The following ODAD2 variants were observed in gnomAD, a reference collection of about 807,000 sequenced individuals.
ODAD2 encodes outer dynein arm docking complex subunit 2.
Under a neutral mutation model 106.8 loss-of-function variants are expected in ODAD2, and 89 were observed. That is an observed-to-expected ratio of 0.83 (90% confidence interval 0.70 to 0.99). The LOEUF (loss-of-function observed/expected upper bound fraction) is 0.99, where lower values mean the gene tolerates loss of function less well. ODAD2 is among the 50% of genes least tolerant of loss of function. The pLI is 0.00. For synonymous variants in ODAD2, 404 were observed against 436.2 expected (o/e 0.93, Z 0.92); for missense variants, 1,168 against 1,238.5 (o/e 0.94, Z 0.85).
intron 10 of ODAD2, among the ~76,000 whole-genome samples, chr10:27,959,532 A>T (rs963954096): frequency 1.3e-5 from 2 of 152,070 alleles, no homozygotes; most frequent in Admixed American, 6.6e-5. Context: ...AGTCTGGACC[A>T]CTGTGTTGAA....
chr10:27,924,634 A>AC (rs1845120649), intron 16 of ODAD2, among the ~76,000 whole-genome samples: 1 of 147,022 alleles, frequency 6.8e-6, no homozygotes, highest in Non-Finnish European at 1.5e-5. Flanking sequence ...AAAAAAAAAA[A>AC]AAAAAACAGA....
intron 17 of ODAD2, among the ~76,000 whole-genome samples, chr10:27,882,670 C>T (rs1054244019): frequency 6.6e-6 from 1 of 152,220 alleles, no homozygotes; most frequent in Non-Finnish European, 1.5e-5. Flanking sequence ...ATCTCCCTCT[C>T]TCCAGCTCCA....
intron 1 of ODAD2, among the ~76,000 whole-genome samples, chr10:27,998,773 G>A (rs988347864): frequency 9.2e-5 from 14 of 152,254 alleles, no homozygotes; most frequent in African/African-American, 3.4e-4. Context: ...CCCTGCGGGG[G>A]TGAGCGTGGA....
At chr10:27,836,646 G>C (rs1412755040) in intron 19 of ODAD2, among the ~76,000 whole-genome samples, 4 of 152,062 alleles carry the variant, frequency 2.6e-5, no homozygotes, top group African/African-American at 7.2e-5. Flanking sequence ...GAGCTTGCAG[G>C]GTTCTTACCT....
At chr10:27,939,748 A>T (rs1411501787) in intron 14 of ODAD2, 149 bp downstream of exon 14, 4 of 467,854 alleles carry the variant, frequency 8.5e-6, no homozygotes, top group African/African-American at 2.0e-5. Flanking sequence ...TAAAAAAATA[A>T]AAATAAATTA....
At chr10:27,868,342 G>C (rs961122000) in intron 17 of ODAD2, among the ~76,000 whole-genome samples, 2 of 152,104 alleles carry the variant, frequency 1.3e-5, no homozygotes, top group African/African-American at 4.8e-5. Flanking sequence ...TATACCCAAA[G>C]GAATATAAAT....
chr10:27,824,987 A>C (rs1392464620), intron 19 of ODAD2, among the ~76,000 whole-genome samples: 1 of 152,164 alleles, frequency 6.6e-6, no homozygotes, highest in African/African-American at 2.4e-5. Flanking sequence ...TGGATATAAA[A>C]ATGACACCTC....
At chr10:27,985,992 T>C (rs765762038) in intron 3 of ODAD2, among the ~76,000 whole-genome samples, 19 of 152,072 alleles carry the variant, frequency 1.2e-4, no homozygotes, top group Non-Finnish European at 2.2e-4. Flanking sequence ...AAAATATGTA[T>C]GCATTGAGAT....
chr10:27,903,672 C>T (rs966128383), intron 17 of ODAD2, among the ~76,000 whole-genome samples: 2 of 152,098 alleles, frequency 1.3e-5, no homozygotes, highest in Admixed American at 6.5e-5. Context: ...AAGAGAGAGC[C>T]AAATCATGAG....
intron 10 of ODAD2, chr10:27,958,906 T>C: frequency 7.7e-7 from 1 of 1,304,116 alleles, no homozygotes; most frequent in Non-Finnish European, 1.0e-6. Context: ...ATCATGCTTC[T>C]AATTACTCTG....
intron 17 of ODAD2, among the ~76,000 whole-genome samples, chr10:27,901,746 C>T (rs191007732): frequency 1.3e-5 from 2 of 152,214 alleles, no homozygotes; most frequent in African/African-American, 4.8e-5. Context: ...GGGATCAATG[C>T]AACAAGAAGA....
intron 17 of ODAD2, among the ~76,000 whole-genome samples, chr10:27,872,497 A>T (rs1840976226): frequency 2.6e-5 from 4 of 151,922 alleles, no homozygotes; most frequent in Non-Finnish European, 5.9e-5. Flanking sequence ...TGGGTTTGTC[A>T]TAAATAGCTC....
chr10:27,985,350 G>C, intron 3 of ODAD2, 139 bp from the exon 4 acceptor site: 1 of 674,496 alleles, frequency 1.5e-6, no homozygotes, highest in Non-Finnish European at 2.4e-6. Flanking sequence ...GACCCAATTA[G>C]AATTCATCTC....
chr10:27,961,816 G>GCC, intron 9 of ODAD2, 101 bp from the exon 10 acceptor site: 1 of 1,003,494 alleles, frequency 1.0e-6, no homozygotes, highest in Non-Finnish European at 1.5e-6. Flanking sequence ...TATAATCTCA[G>GCC]TGCTTTGGGA....
At chr10:27,871,243 T>G (rs903176679) in intron 17 of ODAD2, among the ~76,000 whole-genome samples, 9 of 152,226 alleles carry the variant, frequency 5.9e-5, no homozygotes, top group African/African-American at 2.2e-4. Flanking sequence ...TCTTTGTAGA[T>G]TCTGGATATT....
chr10:27,870,515 C>G (rs890251308), intron 17 of ODAD2, among the ~76,000 whole-genome samples: 6 of 152,124 alleles, frequency 3.9e-5, no homozygotes, highest in African/African-American at 1.4e-4. Context: ...TCCCCCAACC[C>G]CATGACAGGC....
chr10:27,937,941 GGTTTTTT>G (rs1412595977), intron 14 of ODAD2, among the ~76,000 whole-genome samples: 3 of 151,606 alleles, frequency 2.0e-5, no homozygotes, highest in African/African-American at 7.3e-5. Context: ...CATATATAGA[GGTTTTTT>G]GTTTTTTGTT....
chr10:27,947,740 T>C (rs1404988504), intron 10 of ODAD2, among the ~76,000 whole-genome samples: 3 of 152,262 alleles, frequency 2.0e-5, no homozygotes, highest in East Asian at 3.9e-4. Context: ...GACTTCAGTA[T>C]GACTAGAAAG....
At chr10:27,882,269 T>G (rs1268506732) in intron 17 of ODAD2, among the ~76,000 whole-genome samples, 2 of 151,880 alleles carry the variant, frequency 1.3e-5, no homozygotes, top group Non-Finnish European at 2.9e-5. Context: ...TCAATAAGAT[T>G]TACTGAACAG....
Sources: allele counts gnomAD v4.1 joint callset (sites outside exome capture counted in the v4.1 genomes callset), GRCh38; gene constraint gnomAD v4.1.1; transcripts MANE v1.5; gene names NCBI Gene and HGNC (gene_info 2026-07-23, HGNC 2026-07-21).